Variants in FBH1 observed in about 807,000 individuals in gnomAD.
FBH1 encodes DNA 3'-5' helicase 1.
FBH1 carries 43 observed loss-of-function variants against 115.5 expected under a neutral mutation model. The ratio of observed to expected loss-of-function variants is 0.37; its 90% CI spans 0.29 to 0.48. The LOEUF is 0.48. Ranked by LOEUF, FBH1 falls within the 20% of genes least tolerant of loss-of-function variation. The pLI, the probability that FBH1 is intolerant of heterozygous loss-of-function variation, is 0.99. For synonymous variants in FBH1, 524 were observed against 507.8 expected, an observed-to-expected ratio of 1.03 and a Z score of -0.43; for missense variants, 1,001 against 1,337.3, an observed-to-expected ratio of 0.75 and a Z score of 3.92.
chr10:5,906,257 C>T lies in FBH1; in HGVS notation c.378C>T (p.Ser126=). ...SAPPSRKRSW[S]SEEESNQATG... is the part of the protein sequence containing the mutation. The stretch of plus-strand genomic sequence containing the variant: ...CGCCCTCCAGGAAGCGGTCTTGGTC[C>T]TCTGAGGAAGAGAGTAACCAGGCTA... The change falls in exon 3 of 21, where the codon TCC becomes TCT. Residue 126 remains serine, a synonymous_variant. Coordinates refer to ENST00000362091, the MANE Select transcript of FBH1 (RefSeq NM_178150.3). The surrounding 1 kb of genome is among the most constrained non-coding windows in gnomAD (Gnocchi z 7.3). 1.9e-6 allele frequency: 3 copies of T among 1,614,200 alleles called. No homozygotes were observed. In the South Asian group the frequency reaches 3.3e-5, roughly 18 times the overall value.
Position 5,921,449 on chromosome 10 carries a change from T to C in FBH1, c.2202T>C (p.Ser734=). The part of the protein sequence containing the change: ...KKTLVGGNHQ[S]GIRGDAKGQV... ...AGAGTTTGTGCTCTCTCCCTAAAGG[T>C]GGCATTAGAGGTGACGCAAAGGGGC... The change falls in exon 15 of 21, where the codon AGT becomes AGC. Residue 734 remains serine (S), a splice_region_variant and synonymous_variant. Coordinates refer to ENST00000362091, the MANE Select transcript of FBH1 (RefSeq NM_178150.3). This position sits in a 1 kb window ranked among gnomAD's most constrained non-coding sequence, Gnocchi z 6.4. 1 of 1,606,492 alleles carries C rather than the reference T, an allele frequency of 6.2e-7. No homozygotes were observed. Among genetic ancestry groups the C allele is most frequent in the Non-Finnish European group, 8.5e-7 (1 of 1,177,720 alleles).
rs2132047876 is a variant in FBH1, at chr10:5,921,756, C to T, written c.2322+187C>T. Among the ~76,000 whole-genome samples, 1 of 152,358 alleles carries T rather than the reference C, an allele frequency of 6.6e-6. No individual in the cohort carries two copies. Among genetic ancestry groups the T allele is most frequent in the South Asian group, 2.1e-4 (1 of 4,830 alleles). On this transcript the variant is annotated intron_variant, in intron 15 of 20. Coordinates refer to ENST00000362091, the MANE Select transcript of FBH1 (RefSeq NM_178150.3). The surrounding 1 kb of genome is among the most constrained non-coding windows in gnomAD (Gnocchi z 6.4). ...TTCTGATTATGCCAGCGAAACATTC[C>T]TGGAAAGGCAGACACAAGAAGGGCT...
rs1403055338 is a variant in FBH1 at position 5,935,749 on chromosome 10, C to T, written c.2830-707C>T. 6.6e-6 allele frequency: 1 copy of T among 152,196 alleles called. No homozygotes were observed. Among genetic ancestry groups the T allele is most frequent in the Non-Finnish European group, 1.5e-5 (1 of 68,006 alleles). 9.4% of individuals were successfully genotyped at this position (152,196 alleles called of 1,614,324 possible). A position where few individuals can be genotyped will look rare whatever the true frequency, so the allele number is the denominator to read the frequency against. On this transcript the variant is annotated intron_variant, in intron 19 of 20. Coordinates refer to ENST00000362091, the MANE Select transcript of FBH1 (RefSeq NM_178150.3). The surrounding 1 kb of genome is among the most constrained non-coding windows in gnomAD (Gnocchi z 5.2). ...TCCAGAAAATACGAAACCGTCCTTT[C>T]CTGGGCAGCAGATGTGTGCGGTCCT...
chr10:5,898,070 G>A (rs74113893), intron 1 of FBH1, among the ~76,000 whole-genome samples: 121 of 152,144 alleles, frequency 8.0e-4, no homozygotes, highest in African/African-American at 2.6e-3. Flanking sequence ...CCTCCCAGCC[G>A]AATTCTTCTC....
chr10:5,929,236 A>G (rs578081412), intron 19 of FBH1: 12 of 152,234 alleles, frequency 7.9e-5, no homozygotes, highest in Non-Finnish European at 1.5e-4. Flanking sequence ...GAGGAAGATA[A>G]TATCAAAACT....
At position 5,916,304 on chromosome 10, in the gene FBH1, G is replaced by A. The variant is rs1218509683; in HGVS notation, c.1636G>A (p.Gly546Arg). The A allele has an allele frequency of 1.9e-6, 3 of 1,614,232 alleles. No individual in the cohort carries two copies. Among genetic ancestry groups the A allele is most frequent in the Non-Finnish European group, 2.5e-6 (3 of 1,180,044 alleles). Residue 546 changes from glycine (G) to arginine (R), a missense_variant, in exon 10 of 21, where the codon GGG (glycine) becomes AGG (arginine). Coordinates refer to ENST00000362091, the MANE Select transcript of FBH1 (RefSeq NM_178150.3). ...PFMVNSVLAE[G>R]KGGFIRAKLV... is the part of the protein sequence containing the mutation. ...CATGGTCAACTCCGTCCTTGCTGAA[G>A]GGAAGGGTGGATTCATAAGAGCCAA...
chr10:5,908,862 C>T (rs1831379906), intron 3 of FBH1, 63 bp from the exon 4 acceptor site: 2 of 1,586,204 alleles, frequency 1.3e-6, no homozygotes, highest in Non-Finnish European at 1.7e-6. Flanking sequence ...CTGCCCGCCT[C>T]ATTAATCTGC....
chr10:5,908,397 G>C (rs986950019), intron 3 of FBH1, among the ~76,000 whole-genome samples: 2 of 152,110 alleles, frequency 1.3e-5, no homozygotes, highest in Non-Finnish European at 2.9e-5. Flanking sequence ...TTTCAGACAG[G>C]GAAACTGAAG....
chr10:5,915,815 A>G lies in FBH1; in HGVS notation c.1565+244A>G. Reference sequence around the variant, plus strand: ...GGGTGTTCTCATGGAAGTGAGGCACAGAAAGTCAAAATGACTTGCTTAAAG... The same window carrying G: ...GGGTGTTCTCATGGAAGTGAGGCACGGAAAGTCAAAATGACTTGCTTAAAG... On this transcript the variant is annotated intron_variant, in intron 9 of 20. Transcript: ENST00000362091. The surrounding 1 kb of genome is among the most constrained non-coding windows in gnomAD (Gnocchi z 5.2). 1.9e-6 allele frequency: 1 copy of G among 530,990 alleles called. No homozygotes were observed. Among genetic ancestry groups the G allele is most frequent in the Non-Finnish European group, 3.4e-6 (1 of 297,326 alleles). 32.9% of individuals were successfully genotyped at this position (530,990 alleles called of 1,614,324 possible).
In FBH1 at chr10:5,931,422, C is replaced by A. The variant is rs1832965213; in HGVS notation, c.2829+3881C>A. 6.6e-6 allele frequency among the ~76,000 whole-genome samples: 1 copy of A among 152,202 alleles called. No individual in the cohort carries two copies. Among genetic ancestry groups the A allele is most frequent in the African/African-American group, 2.4e-5 (1 of 41,454 alleles). On this transcript the variant is annotated intron_variant, in intron 19 of 20. Transcript: ENST00000362091. This position sits in a 1 kb window ranked among gnomAD's most constrained non-coding sequence, Gnocchi z 4.3. Reference sequence around the variant, plus strand: ...TTGTCAGAGGCTTTGGCCCTTCACACGTTCAGCCATCATAAATTGTGTTCC... The same window carrying A: ...TTGTCAGAGGCTTTGGCCCTTCACAAGTTCAGCCATCATAAATTGTGTTCC...
rs546436049 is a variant in FBH1 at position 5,900,279 on chromosome 10, G to T, written c.2-2741G>T. Among the ~76,000 whole-genome samples the T allele has an allele frequency of 5.9e-5, 9 of 152,370 alleles. No individual in the cohort carries two copies. The East Asian group carries it at 1.5e-3, about 26-fold the overall frequency. On this transcript the variant is annotated intron_variant, in intron 1 of 20. Transcript: ENST00000362091. This position sits in a 1 kb window ranked among gnomAD's most constrained non-coding sequence, Gnocchi z 4.2. The stretch of plus-strand genomic sequence containing the variant: ...TGGATAATTTGACAGACAGTTTTGA[G>T]CATATTTTCTCATCTGTTCCTGATG...
chr10:5,893,929 A>C (rs1842871858), intron 1 of FBH1: 1 of 907,984 alleles, frequency 1.1e-6, no homozygotes, highest in Non-Finnish European at 1.3e-6. Context: ...TCTAGACCAT[A>C]AGTAGTGATC....
At chr10:5,904,804 C>T (rs1189101718) in intron 2 of FBH1, among the ~76,000 whole-genome samples, 1 of 152,200 alleles carries the variant, frequency 6.6e-6, no homozygotes, top group East Asian at 1.9e-4. Flanking sequence ...GGGTTTCTAT[C>T]AGATTGCCCA....
chr10:5,890,131 C>T, upstream of FBH1: 3 of 325,058 alleles, frequency 9.2e-6, no homozygotes, highest in Non-Finnish European at 1.7e-5. Context: ...CCTCCGGTCT[C>T]GCGTCCCGAT....
chr10:5,909,396 T>A lies in FBH1; in HGVS notation c.1020+102T>A. The stretch of plus-strand genomic sequence containing the variant: ...AGGATGACTTTATATTTATTTTTAA[T>A]GTCTGTATTTAATCTCTGAATGCTT... On this transcript the variant is annotated intron_variant, in intron 5 of 20. Coordinates refer to ENST00000362091, the MANE Select transcript of FBH1 (RefSeq NM_178150.3). The surrounding 1 kb of genome is among the most constrained non-coding windows in gnomAD (Gnocchi z 4.4). 1 of 1,325,144 alleles carries A rather than the reference T, an allele frequency of 7.5e-7. No individual in the cohort carries two copies. The highest frequency in any genetic ancestry group is 1.0e-6 in the Non-Finnish European group (1 of 987,378). 82.1% of individuals were successfully genotyped at this position (1,325,144 alleles called of 1,614,324 possible).
chr10:5,915,504 C>T lies in FBH1; in HGVS notation c.1498C>T (p.Arg500Cys), dbSNP rs748299182. ...FNKSIAKQAE[R>C]VFPSNVICKT... ...CAAGAGCATCGCAAAGCAGGCCGAACGCGTCTTCCCCAGCAACGTCATCTG... is the reference window on the plus strand; with the variant it reads ...CAAGAGCATCGCAAAGCAGGCCGAATGCGTCTTCCCCAGCAACGTCATCTG... The change falls in exon 9 of 21, where the codon CGC becomes TGC. Residue 500 changes from arginine (R) to cysteine (C), a missense_variant. Around this residue, in one of 4 missense-constraint regions of FBH1, gnomAD observed 521 missense variants for 811.0 expected, o/e 0.64. Coordinates refer to ENST00000362091, the MANE Select transcript of FBH1 (RefSeq NM_178150.3). This position sits in a 1 kb window ranked among gnomAD's most constrained non-coding sequence, Gnocchi z 5.2. 11 of 1,614,102 alleles carry T rather than the reference C, an allele frequency of 6.8e-6. No individual in the cohort carries two copies. In the African/African-American group the frequency reaches 9.3e-5, roughly 14 times the overall value.
At position 5,932,966 on chromosome 10, in the gene FBH1, C is replaced by T. The variant is rs368848216; in HGVS notation, c.2830-3490C>T. 1.8e-4 allele frequency among the ~76,000 whole-genome samples: 28 copies of T among 152,086 alleles called. 1 individual carries two copies. The East Asian group carries it at 2.9e-3, about 16-fold the overall frequency. ...CATGAGCTCAAGTGATCTGCCCTGCCTTAGCCTCCCAAAGTGCTAGGATTA... is the reference window on the plus strand; with the variant it reads ...CATGAGCTCAAGTGATCTGCCCTGCTTTAGCCTCCCAAAGTGCTAGGATTA... On this transcript the variant is annotated intron_variant, in intron 19 of 20. Transcript: ENST00000362091. The surrounding 1 kb of genome is among the most constrained non-coding windows in gnomAD (Gnocchi z 5.9).
chr10:5,903,832 C>T (rs534557626), intron 2 of FBH1, among the ~76,000 whole-genome samples: 4 of 152,292 alleles, frequency 2.6e-5, no homozygotes, highest in Admixed American at 6.5e-5. Context: ...GTCCATGTGT[C>T]ATTGTTTTTC....
Position 5,914,098 on chromosome 10 carries a change from T to C in FBH1, c.1305-80T>C. 7.5e-7 allele frequency: 1 copy of C among 1,328,676 alleles called. No homozygotes were observed. Among genetic ancestry groups the C allele is most frequent in the Non-Finnish European group, 1.1e-6 (1 of 935,514 alleles). The allele number at this position is 1,328,676 out of a possible 1,614,324, so 82.3% of individuals were successfully genotyped here. On this transcript the variant is annotated intron_variant, in intron 7 of 20. Coordinates refer to ENST00000362091, the MANE Select transcript of FBH1 (RefSeq NM_178150.3). This position sits in a 1 kb window ranked among gnomAD's most constrained non-coding sequence, Gnocchi z 5.2. ...TCAGCTTTTGTTTATCCAGTTTGTA[T>C]GTTTGGTTTTTGGACTGTCTATCCC... is the stretch of plus-strand genomic sequence containing the variant.
Sources: gnomAD v4.1 joint callset for allele counts (sites outside exome capture counted in the v4.1 genomes callset) on GRCh38, gnomAD v4.1.1 for gene constraint, gnomAD v4.1.1 regional missense constraint, Gnocchi (gnomAD v3.1) non-coding constraint, MANE v1.5 for transcripts, NCBI Gene and HGNC (gene_info 2026-07-23, HGNC 2026-07-21) for gene names.